LTF: variants seen among roughly 807,000 people sequenced by gnomAD.
The protein encoded by LTF is lactotransferrin.
A neutral mutation model predicts 87.2 loss-of-function variants in LTF; 91 were observed. The observed-to-expected ratio is 1.04, with a 90% CI of 0.88 to 1.24. The LOEUF is 1.24. Among genes scored for constraint, LTF ranks in the 50% most tolerant of loss-of-function variants. The probability of loss-of-function intolerance (pLI) is 0.00; values close to 1 mark genes in which losing one functional copy is unlikely to be tolerated. For missense variants in LTF, 901 were observed against 904.3 expected (o/e 1.00, Z 0.05); for synonymous variants, 378 against 356.1 (o/e 1.06, Z -0.69).
In LTF at chr3:46,455,819, C is replaced by T; in HGVS notation, c.476G>A (p.Gly159Asp). The T allele has an allele frequency of 6.3e-7, 1 of 1,587,560 alleles. No individual in the cohort carries two copies. The highest frequency in any genetic ancestry group is 8.6e-7 in the Non-Finnish European group (1 of 1,167,040). ...ACCTGCCTCAATGGGCTCAGGTGGA[C>T]CCGTCCAATTCAAGAATGGACGAAG... ...GTLRPFLNWT[G>D]PPEPIEAAVA... Residue 159 changes from glycine to aspartate, a missense_variant, in exon 4 of 17, where the codon GGT (glycine) becomes GAT (aspartate). Gly to Asp is a moderately conservative substitution (Grantham distance 94). Coordinates refer to ENST00000231751, the MANE Select transcript of LTF (RefSeq NM_002343.6).
intron 2 of LTF, among the ~76,000 whole-genome samples, chr3:46,459,237 C>A (rs1703016046): frequency 6.6e-6 from 1 of 152,216 alleles, no homozygotes. Flanking sequence ...CCTGGCAGGC[C>A]CTGCCCCAGC....
At chr3:46,481,469 CT>C (rs1239272506) in intron 1 of LTF, among the ~76,000 whole-genome samples, 1 of 152,174 alleles carries the variant, frequency 6.6e-6, no homozygotes, top group Admixed American at 6.6e-5. Flanking sequence ...TCTTTTCTCC[CT>C]AGTTTTTACC....
chr3:46,484,520 C>A (rs1703491573), intron 1 of LTF, among the ~76,000 whole-genome samples: 1 of 152,290 alleles, frequency 6.6e-6, no homozygotes, highest in African/African-American at 2.4e-5. Flanking sequence ...CCTACCCTTG[C>A]TCCCCTAAAA....
rs753146078 is a variant in LTF, at chr3:46,448,972, G to A, written c.1103C>T (p.Ala368Val). ...CTTGCGCAGCTCCTGCTCGCCCACC[G>A]CACACCACACGACCCGCGCACGCCG... ...AARRARVVWC[A>V]VGEQELRKCN... The change falls in exon 9 of 17, where the codon GCG becomes GTG. Residue 368 changes from alanine (A) to valine (V), a missense_variant. Physicochemically the swap from Ala to Val is moderately conservative, Grantham distance 64. Transcript: ENST00000231751. The A allele has an allele frequency of 1.4e-5, 22 of 1,612,986 alleles. No individual in the cohort carries two copies. Among genetic ancestry groups the A allele is most frequent in the East Asian group, 4.5e-5 (2 of 44,774 alleles).
At chr3:46,447,141 A>G (rs1702675216) in intron 10 of LTF, among the ~76,000 whole-genome samples, 167 bp downstream of exon 10, 2 of 152,230 alleles carry the variant, frequency 1.3e-5, no homozygotes, top group Admixed American at 1.3e-4. Flanking sequence ...TCAACACAAT[A>G]GGCTTTGTGG....
chr3:46,437,211 A>T (rs1467620861), intron 16 of LTF, among the ~76,000 whole-genome samples: 1 of 152,158 alleles, frequency 6.6e-6, no homozygotes, highest in African/African-American at 2.4e-5. Context: ...TAAGGGATTA[A>T]ATTAATATCA....
At position 46,459,485 on chromosome 3, in the gene LTF, C is replaced by T. The variant is rs559411356; in HGVS notation, c.207+171G>A. Among the ~76,000 whole-genome samples the T allele has an allele frequency of 2.0e-5, 3 of 152,366 alleles. No individual in the cohort carries two copies. In the South Asian group the frequency reaches 6.2e-4, roughly 32 times the overall value. ...ACACATGGTCTCTTGACTTAAGCTC[C>T]TTCCTTTCTGCTCTGAAAATAGCAC... On this transcript the variant is annotated intron_variant, in intron 2 of 16. Transcript: ENST00000231751.
intron 16 of LTF, among the ~76,000 whole-genome samples, chr3:46,437,732 A>G (rs949612180): frequency 2.6e-5 from 4 of 152,238 alleles, no homozygotes; most frequent in African/African-American, 9.6e-5. Context: ...TATCCGTACT[A>G]TAAAATTTAT....
At chr3:46,472,809 C>A (rs1361152871) in intron 1 of LTF, among the ~76,000 whole-genome samples, 3 of 152,136 alleles carry the variant, frequency 2.0e-5, no homozygotes, top group Non-Finnish European at 4.4e-5. Flanking sequence ...GTGAAGGAAA[C>A]TCAGCAATCA....
intron 1 of LTF, among the ~76,000 whole-genome samples, chr3:46,475,561 CA>C (rs1559612500): frequency 3.0e-4 from 45 of 148,600 alleles, no homozygotes; most frequent in Admixed American, 5.3e-4. Context: ...CACACACACA[CA>C]CACACCCTCT....
intron 1 of LTF, among the ~76,000 whole-genome samples, chr3:46,483,840 C>T (rs1344469315): frequency 6.6e-6 from 1 of 151,926 alleles, no homozygotes; most frequent in African/African-American, 2.4e-5. Flanking sequence ...AGGGATCTTG[C>T]TATGTTGGCC....
intron 13 of LTF, 44 bp downstream of exon 13, chr3:46,443,397 A>C: frequency 6.2e-7 from 1 of 1,609,338 alleles, no homozygotes; most frequent in South Asian, 1.1e-5. Flanking sequence ...ATGCTGAGGG[A>C]TGAGGTAAGT....
At chr3:46,472,006 G>A (rs1703295728) in intron 1 of LTF, among the ~76,000 whole-genome samples, 1 of 152,190 alleles carries the variant, frequency 6.6e-6, no homozygotes. Flanking sequence ...AGCCTCCAGA[G>A]GGTCCTTGGC....
chr3:46,453,721 C>T (rs1702857379), intron 6 of LTF, among the ~76,000 whole-genome samples: 1 of 152,138 alleles, frequency 6.6e-6, no homozygotes, highest in Non-Finnish European at 1.5e-5. Flanking sequence ...TATTATAAGT[C>T]CAGGAGGGAC....
At chr3:46,437,160 C>T (rs554455291) in intron 16 of LTF, among the ~76,000 whole-genome samples, 115 of 152,236 alleles carry the variant, frequency 7.6e-4, no homozygotes, top group African/African-American at 2.3e-3. Context: ...CAGTTATCAC[C>T]GGGAGCCTTA....
chr3:46,463,340 A>T, intron 1 of LTF: 1 of 450,544 alleles, frequency 2.2e-6, no homozygotes, highest in South Asian at 9.4e-5. Context: ...GCTCAGACTG[A>T]TGGGAAACCT....
chr3:46,455,903 A>G lies in LTF; in HGVS notation c.392T>C (p.Leu131Pro). The change falls in exon 4 of 17, where the codon CTG (leucine) becomes CCG (proline). Residue 131 changes from leucine to proline, a missense_variant. Physicochemically the swap from Leu to Pro is moderately conservative, Grantham distance 98 (BLOSUM62 -3). Coordinates refer to ENST00000231751, the MANE Select transcript of LTF (RefSeq NM_002343.6). ...GSFQLNELQGLKSCHTGLRRT... is the reference protein window; with the variant it reads ...GSFQLNELQGPKSCHTGLRRT... ...GCGAAGGCCTGTGTGGCAGGACTTC[A>G]GACCTTGCAGTTCGTTCAGCTGAAA... is the stretch of plus-strand genomic sequence containing the variant. The G allele has an allele frequency of 6.2e-7, 1 of 1,613,812 alleles. No homozygotes were observed. Among genetic ancestry groups the G allele is most frequent in the Non-Finnish European group, 8.5e-7 (1 of 1,179,862 alleles).
At chr3:46,456,052 C>G (rs2106881598) in intron 3 of LTF, 74 bp from the exon 4 acceptor site, 1 of 1,355,136 alleles carries the variant, frequency 7.4e-7, no homozygotes, top group East Asian at 2.5e-5. Flanking sequence ...CCTGAAAAGT[C>G]TCCGGTGGGA....
chr3:46,441,770 T>G (rs1169467474), intron 13 of LTF: 5 of 323,392 alleles, frequency 1.5e-5, no homozygotes, highest in Non-Finnish European at 2.8e-5. Context: ...ACCAAAATAA[T>G]GGTCAACAGG....
Sources: allele counts gnomAD v4.1 joint callset (sites outside exome capture counted in the v4.1 genomes callset), GRCh38; gene constraint gnomAD v4.1.1; transcripts MANE v1.5; gene names NCBI Gene and HGNC (gene_info 2026-07-23, HGNC 2026-07-21).